The following FBXL2 variants were observed in gnomAD, a reference collection of about 807,000 sequenced individuals.
The protein encoded by FBXL2 is F-box and leucine rich repeat protein 2, also known as F-box/LRR-repeat protein 2.
In FBXL2, 38 loss-of-function variants were observed where a neutral mutation model predicts 69.2. The ratio of observed to expected loss-of-function variants is 0.55; its 90% CI spans 0.42 to 0.72. FBXL2 has a LOEUF of 0.72. Ranked by LOEUF, FBXL2 falls within the 30% of genes least tolerant of loss-of-function variation. The pLI, the probability that FBXL2 is intolerant of heterozygous loss-of-function variation, is 0.00. For synonymous variants in FBXL2, 192 were observed against 201.3 expected (o/e 0.95, Z 0.39); for missense variants, 354 against 520.3 (o/e 0.68, Z 3.11).
rs988671496 is a variant in FBXL2, at chr3:33,308,829, C to A, written c.65+11104C>A. Among the ~76,000 whole-genome samples the A allele has an allele frequency of 6.6e-5, 10 of 152,070 alleles. No homozygotes were observed. The East Asian group carries it at 1.9e-3, about 29-fold the overall frequency. On this transcript the variant is annotated intron_variant, in intron 2 of 14. Transcript: ENST00000484457. ...TTTATTGCAAGATTTTTGATAGTTT[C>A]CTCTTAATTTCTTCTTTGACCCATT...
At chr3:33,407,490 C>G (rs115257060), downstream of FBXL2, among the ~76,000 whole-genome samples, 2 of 146,858 alleles carry the variant, frequency 1.4e-5, no homozygotes, top group African/African-American at 5.1e-5. Context: ...ATTGCTGGGG[C>G]GGGTGTTTTA....
Position 33,277,460 on chromosome 3 carries a change from GT to G in FBXL2, c.-52del, listed in dbSNP as rs2033384597. 3.9e-6 allele frequency: 5 copies of G among 1,265,826 alleles called. No homozygotes were observed. In the African/African-American group the frequency reaches 4.6e-5, roughly 12 times the overall value. 78.4% of individuals were successfully genotyped at this position (1,265,826 alleles called of 1,614,324 possible). ...GGCTGGCGTCACCAGGACAACGGGC[GT>G]CGCCGGCGCCGTGTGACTTCGGGCT... On this transcript the variant is annotated 5_prime_UTR_variant, in exon 1 of 15. Transcript: ENST00000484457.
At chr3:33,345,911 A>G (rs889326407) in intron 2 of FBXL2, among the ~76,000 whole-genome samples, 3 of 152,216 alleles carry the variant, frequency 2.0e-5, no homozygotes, top group African/African-American at 7.2e-5. Context: ...GAATGAATAC[A>G]TTAGAAAAAA....
intron 2 of FBXL2, among the ~76,000 whole-genome samples, chr3:33,344,039 A>G (rs1288062308): frequency 6.6e-6 from 1 of 152,018 alleles, no homozygotes; most frequent in Non-Finnish European, 1.5e-5. Flanking sequence ...ATTATTGGAT[A>G]TACAATTAAT....
In FBXL2 at chr3:33,373,155, T is replaced by A; in HGVS notation, c.354T>A (p.Thr118=). ...ACCTCAATGGATGCACAAAAATCAC[T>A]GACAGGTAAGTAATGAAGATTAATT... ...HLNLNGCTKI[T]DSTCYSLSRF... The change falls in exon 6 of 15, where the codon ACT becomes ACA. Residue 118 remains threonine (T), a synonymous_variant. Transcript: ENST00000484457. 6.2e-7 allele frequency: 1 copy of A among 1,614,030 alleles called. No homozygotes were observed. The highest frequency in any genetic ancestry group is 8.5e-7 in the Non-Finnish European group (1 of 1,179,882).
intron 2 of FBXL2, among the ~76,000 whole-genome samples, chr3:33,330,095 C>A (rs1360354603): frequency 6.6e-6 from 1 of 152,134 alleles, no homozygotes; most frequent in South Asian, 2.1e-4. Flanking sequence ...CCAGGCTGGG[C>A]AACATGGCAA....
chr3:33,399,946 G>A (rs909977299), intron 12 of FBXL2, among the ~76,000 whole-genome samples: 30 of 152,028 alleles, frequency 2.0e-4, no homozygotes, highest in African/African-American at 7.2e-4. Flanking sequence ...ACACACAAAT[G>A]AGGTCACGTA....
chr3:33,327,485 A>C (rs2125816221), intron 2 of FBXL2, among the ~76,000 whole-genome samples: 1 of 152,322 alleles, frequency 6.6e-6, no homozygotes, highest in Admixed American at 6.5e-5. Flanking sequence ...AAGGCATATA[A>C]TTTTTATTCT....
chr3:33,382,296 T>C (rs2043116495), intron 13 of FBXL2, among the ~76,000 whole-genome samples: 1 of 152,248 alleles, frequency 6.6e-6, no homozygotes, highest in Non-Finnish European at 1.5e-5. Flanking sequence ...AGCACATTTA[T>C]CATTGGTGTA....
At chr3:33,369,488 T>C (rs2042157412) in intron 5 of FBXL2, among the ~76,000 whole-genome samples, 1 of 152,182 alleles carries the variant, frequency 6.6e-6, no homozygotes, top group East Asian at 1.9e-4. Context: ...CATATTGTAT[T>C]ACATAACACT....
At chr3:33,384,449 T>C (rs1437535457) in intron 14 of FBXL2, among the ~76,000 whole-genome samples, 1 of 152,096 alleles carries the variant, frequency 6.6e-6, no homozygotes, top group Non-Finnish European at 1.5e-5. Flanking sequence ...TAATCCCAGC[T>C]ACTCGGGAGG....
At chr3:33,392,805 A>AT, downstream of FBXL2, 1 of 536,382 alleles carries the variant, frequency 1.9e-6, no homozygotes, top group Non-Finnish European at 3.2e-6. Context: ...ATGCCTGTCC[A>AT]TAATGGTCCC....
intron 9 of FBXL2, 39 bp from the exon 10 acceptor site, chr3:33,375,249 G>C (rs193175351): frequency 2.5e-4 from 400 of 1,595,150 alleles, no homozygotes; most frequent in Admixed American, 1.6e-3. Flanking sequence ...GGTATTGCTG[G>C]TGTCCTCTGA....
intron 5 of FBXL2, among the ~76,000 whole-genome samples, chr3:33,371,369 C>T (rs1328868081): frequency 6.7e-6 from 1 of 150,134 alleles, no homozygotes; most frequent in African/African-American, 2.4e-5. Flanking sequence ...CAGGGTTTCA[C>T]CATGTTGGCC....
chr3:33,277,584 C>T (rs1386082981), intron 1 of FBXL2, 69 bp downstream of exon 1: 5 of 1,244,984 alleles, frequency 4.0e-6, no homozygotes, highest in Non-Finnish European at 5.1e-6. Flanking sequence ...CGCACGCCGC[C>T]GCCCGCTAGG....
chr3:33,364,367 G>A (rs2041820713), intron 4 of FBXL2: 3 of 494,814 alleles, frequency 6.1e-6, no homozygotes, highest in African/African-American at 5.8e-5. Context: ...CAGTGTACAG[G>A]TTTTGGTTTT....
intron 2 of FBXL2, among the ~76,000 whole-genome samples, chr3:33,331,529 G>A (rs550279340): frequency 6.6e-6 from 1 of 152,234 alleles, no homozygotes; most frequent in African/African-American, 2.4e-5. Flanking sequence ...GGTGAAGCGG[G>A]GGAAGTTTGT....
chr3:33,303,080 A>G (rs879463652), intron 2 of FBXL2: 45 of 456,496 alleles, frequency 9.9e-5, no homozygotes, highest in Non-Finnish European at 1.7e-4. Flanking sequence ...TCAGCACTCC[A>G]TGGGCTTTTT....
the FBXL2 span, among the ~76,000 whole-genome samples, chr3:33,420,481 A>AGG: frequency 7.0e-6 from 1 of 143,788 alleles, no homozygotes; most frequent in Admixed American, 7.1e-5. Context: ...GTGTGCCACC[A>AGG]TACTGGCTTT....
Sources: gnomAD v4.1 joint callset for allele counts (sites outside exome capture counted in the v4.1 genomes callset) on GRCh38, gnomAD v4.1.1 for gene constraint, MANE v1.5 for transcripts, NCBI Gene and HGNC (gene_info 2026-07-23, HGNC 2026-07-21) for gene names.